PRKD1: variants seen among roughly 807,000 people sequenced by gnomAD.
The protein encoded by PRKD1 is serine/threonine-protein kinase D1.
A neutral mutation model predicts 95.9 loss-of-function variants in PRKD1; 63 were observed. That is an observed-to-expected ratio of 0.66 (90% CI 0.54 to 0.81). The LOEUF (loss-of-function observed/expected upper bound fraction) is 0.81, where lower values mean the gene tolerates loss of function less well. Ranked by LOEUF, PRKD1 falls within the 30% of genes least tolerant of loss-of-function variation. The probability of loss-of-function intolerance (pLI) is 0.00; values close to 1 mark genes in which losing one functional copy is unlikely to be tolerated. For synonymous variants in PRKD1, 425 were observed against 423.1 expected, an observed-to-expected ratio of 1.00 and a Z score of -0.05; for missense variants, 1,048 against 1,165.3, an observed-to-expected ratio of 0.90 and a Z score of 1.47.
intron 2 of PRKD1, among the ~76,000 whole-genome samples, chr14:29,674,101 G>T (rs1433925203): frequency 1.3e-5 from 2 of 151,998 alleles, no homozygotes; most frequent in Non-Finnish European, 2.9e-5. Context: ...GAAGTGTATG[G>T]GCTTTGTGGT....
chr14:29,775,014 G>A (rs530397362), intron 1 of PRKD1, among the ~76,000 whole-genome samples: 2 of 152,196 alleles, frequency 1.3e-5, no homozygotes, highest in East Asian at 3.9e-4. Flanking sequence ...GTCATTTTGA[G>A]GCATAAAATG....
intron 16 of PRKD1, among the ~76,000 whole-genome samples, chr14:29,589,558 C>T (rs984032523): frequency 6.6e-6 from 1 of 152,084 alleles, no homozygotes; most frequent in Non-Finnish European, 1.5e-5. Flanking sequence ...TGCTCAGTCA[C>T]ATTGCAGCAA....
intron 2 of PRKD1, among the ~76,000 whole-genome samples, chr14:29,702,892 G>T (rs541284993): frequency 4.7e-4 from 72 of 152,152 alleles, no homozygotes; most frequent in African/African-American, 1.7e-3. Flanking sequence ...GTAATTTCAT[G>T]ATTTGTTTGT....
rs370468685 is a variant in PRKD1, at chr14:29,808,669, G to A, written c.265-82995C>T. 2.6e-3 allele frequency among the ~76,000 whole-genome samples: 398 copies of A among 151,982 alleles called. 1 individual carries two copies. The highest frequency in any genetic ancestry group is 9.3e-3 in the African/African-American group (384 of 41,444). On this transcript the variant is annotated intron_variant, in intron 1 of 17. Coordinates refer to ENST00000331968, the MANE Select transcript of PRKD1 (RefSeq NM_002742.3). ...CCCATCTTGGCCTCCCAAAGTGCTG[G>A]AATTACAGGCATGAACCACCTTCAG...
chr14:29,737,308 G>A (rs566142513), intron 1 of PRKD1, among the ~76,000 whole-genome samples: 224 of 110,252 alleles, frequency 2.0e-3, no homozygotes, highest in Non-Finnish European at 3.2e-3. Flanking sequence ...CGGCCTGGGC[G>A]ACAGAGCGAG....
At chr14:29,637,182 T>G (rs1308945259) in intron 6 of PRKD1, among the ~76,000 whole-genome samples, 1 of 152,128 alleles carries the variant, frequency 6.6e-6, no homozygotes, top group African/African-American at 2.4e-5. Flanking sequence ...AAAAAGTATG[T>G]AAGAGGATGA....
intron 1 of PRKD1, among the ~76,000 whole-genome samples, chr14:29,902,499 G>A (rs1894351743): frequency 6.6e-6 from 1 of 152,092 alleles, no homozygotes; most frequent in South Asian, 2.1e-4. Flanking sequence ...AGGTATTTTT[G>A]AGGATGCATC....
chr14:29,802,683 C>CCA (rs1890083609), intron 1 of PRKD1, among the ~76,000 whole-genome samples: 1 of 152,182 alleles, frequency 6.6e-6, no homozygotes, highest in Admixed American at 6.5e-5. Flanking sequence ...ATCAAATTAT[C>CCA]CAAGGAAAAG....
At chr14:29,899,908 A>C (rs1894263826) in intron 1 of PRKD1, among the ~76,000 whole-genome samples, 1 of 152,150 alleles carries the variant, frequency 6.6e-6, no homozygotes, top group South Asian at 2.1e-4. Flanking sequence ...GGTTTCCTCC[A>C]TGCTGCTCTT....
At chr14:29,730,366 TAAC>T (rs1027983308) in intron 1 of PRKD1, among the ~76,000 whole-genome samples, 4 of 151,962 alleles carry the variant, frequency 2.6e-5, no homozygotes, top group Non-Finnish European at 5.9e-5. Flanking sequence ...AATGAACAGA[TAAC>T]AAGTATTGAT....
intron 1 of PRKD1, among the ~76,000 whole-genome samples, chr14:29,849,120 T>C (rs1331992494): frequency 6.6e-6 from 1 of 152,214 alleles, no homozygotes; most frequent in Non-Finnish European, 1.5e-5. Flanking sequence ...TGGGGCCTGG[T>C]GGGAAGTGAT....
intron 1 of PRKD1, among the ~76,000 whole-genome samples, chr14:29,748,686 C>T (rs1429825738): frequency 6.6e-6 from 1 of 152,134 alleles, no homozygotes; most frequent in Non-Finnish European, 1.5e-5. Context: ...GTATCCAGCA[C>T]CTAGGACATG....
intron 1 of PRKD1, among the ~76,000 whole-genome samples, chr14:29,868,998 G>C (rs1365340267): frequency 6.6e-6 from 1 of 152,140 alleles, no homozygotes; most frequent in Non-Finnish European, 1.5e-5. Flanking sequence ...AATGTTCTCT[G>C]AAGTTATTAG....
At chr14:29,619,926 C>T (rs1257228629) in intron 13 of PRKD1, among the ~76,000 whole-genome samples, 1 of 151,952 alleles carries the variant, frequency 6.6e-6, no homozygotes, top group African/African-American at 2.4e-5. Context: ...TCAAACTATA[C>T]TACAAGGCTA....
intron 1 of PRKD1, among the ~76,000 whole-genome samples, chr14:29,777,822 C>A (rs1014195717): frequency 2.0e-5 from 3 of 152,170 alleles, no homozygotes; most frequent in African/African-American, 4.8e-5. Context: ...ACTCTCCACC[C>A]CAAATCAACA....
rs189035909 is a variant in PRKD1, at chr14:29,663,615, G to A, written c.696+84C>T. The A allele has an allele frequency of 2.8e-4, 416 of 1,472,538 alleles. No individual in the cohort carries two copies. In the Admixed American group the frequency reaches 6.7e-3, roughly 24 times the overall value. 91.2% of individuals were successfully genotyped at this position (1,472,538 alleles called of 1,614,324 possible). On this transcript the variant is annotated intron_variant, in intron 4 of 17. Transcript: ENST00000331968. The stretch of plus-strand genomic sequence containing the variant: ...CCCTGGCTGCATTCTCCCTCCTAGC[G>A]CCCTGTCTTGGATTGACATTGCTAT...
At chr14:29,583,826 TA>T (rs1224858358) in intron 16 of PRKD1, among the ~76,000 whole-genome samples, 1 of 152,032 alleles carries the variant, frequency 6.6e-6, no homozygotes. Flanking sequence ...CTACAAATTA[TA>T]AAAAAAATTT....
chr14:29,706,705 T>C (rs1395506085), intron 2 of PRKD1, among the ~76,000 whole-genome samples: 6 of 152,182 alleles, frequency 3.9e-5, no homozygotes, highest in Non-Finnish European at 5.9e-5. Context: ...AATCCTATGA[T>C]ATTATTGTTA....
intron 2 of PRKD1, among the ~76,000 whole-genome samples, chr14:29,684,444 C>T (rs1372295453): frequency 6.6e-6 from 1 of 152,136 alleles, no homozygotes; most frequent in Non-Finnish European, 1.5e-5. Context: ...GTCTATTGTT[C>T]TTTTCTGAAC....
Sources: allele counts gnomAD v4.1 joint callset (sites outside exome capture counted in the v4.1 genomes callset), GRCh38; gene constraint gnomAD v4.1.1; transcripts MANE v1.5; gene names NCBI Gene and HGNC (gene_info 2026-07-23, HGNC 2026-07-21).